LRMDA: variants seen among roughly 807,000 people sequenced by gnomAD.
LRMDA encodes leucine rich melanocyte differentiation associated, also known as leucine-rich melanocyte differentiation-associated protein.
Under a neutral mutation model 29.8 loss-of-function variants are expected in LRMDA, and 18 were observed. The observed-to-expected ratio is 0.60, with a 90% CI of 0.42 to 0.90. The LOEUF (loss-of-function observed/expected upper bound fraction) is 0.90, where lower values mean the gene tolerates loss of function less well. Ranked by LOEUF, LRMDA falls within the 40% of genes least tolerant of loss-of-function variation. The probability of loss-of-function intolerance (pLI) is 0.00; values close to 1 mark genes in which losing one functional copy is unlikely to be tolerated. For missense variants in LRMDA, 273 were observed against 273.9 expected (o/e 1.00, Z 0.02); for synonymous variants, 125 against 109.4 (o/e 1.14, Z -0.89).
chr10:76,050,053 T>A (rs1174545947), intron 4 of LRMDA, among the ~76,000 whole-genome samples: 1 of 152,256 alleles, frequency 6.6e-6, no homozygotes, highest in African/African-American at 2.4e-5. Flanking sequence ...AAAATTCTTA[T>A]TGATTGGCAT....
intron 2 of LRMDA, among the ~76,000 whole-genome samples, chr10:75,604,319 T>A (rs1439838654): frequency 6.6e-6 from 1 of 152,060 alleles, no homozygotes; most frequent in Non-Finnish European, 1.5e-5. Context: ...TTCCTTGGGG[T>A]GAAATATAGT....
At chr10:75,689,720 T>G (rs890220978) in intron 2 of LRMDA, among the ~76,000 whole-genome samples, 1 of 152,174 alleles carries the variant, frequency 6.6e-6, no homozygotes, top group African/African-American at 2.4e-5. Context: ...AATGAGTCCA[T>G]TCATTATCTG....
chr10:75,594,945 A>G (rs1366423255), intron 2 of LRMDA, among the ~76,000 whole-genome samples: 1 of 152,158 alleles, frequency 6.6e-6, no homozygotes, highest in East Asian at 1.9e-4. Context: ...TATATTGATG[A>G]AAGATGAAAA....
chr10:76,350,138 A>C (rs1254577563), intron 6 of LRMDA, among the ~76,000 whole-genome samples: 2 of 151,594 alleles, frequency 1.3e-5, no homozygotes, highest in African/African-American at 4.8e-5. Flanking sequence ...AAAATGAAAA[A>C]CTCAAAATGC....
In LRMDA at chr10:76,149,292, C is replaced by T. The variant is rs75641506; in HGVS notation, c.516+90509C>T. On this transcript the variant is annotated intron_variant, in intron 5 of 6. Transcript: ENST00000611255. Reference sequence around the variant, plus strand: ...GAGTGATTAGGATGTGCTGTGAGGACGGAAGAGAAGTCATTCTTACAGTGC... The same window carrying T: ...GAGTGATTAGGATGTGCTGTGAGGATGGAAGAGAAGTCATTCTTACAGTGC... Among the ~76,000 whole-genome samples, 15 of 152,244 alleles carry T rather than the reference C, an allele frequency of 9.9e-5. No individual in the cohort carries two copies. The East Asian group carries it at 1.7e-3, about 18-fold the overall frequency.
chr10:75,660,678 G>A (rs1200827778), intron 2 of LRMDA, among the ~76,000 whole-genome samples: 1 of 151,570 alleles, frequency 6.6e-6, no homozygotes, highest in African/African-American at 2.4e-5. Context: ...AACAGAGAAT[G>A]AATGAGCATT....
In LRMDA at chr10:76,346,106, G is replaced by A. The variant is rs142103005; in HGVS notation, c.601+21621G>A. 1.8e-3 allele frequency among the ~76,000 whole-genome samples: 272 copies of A among 152,266 alleles called. 1 individual carries two copies. Among genetic ancestry groups the A allele is most frequent in the African/African-American group, 6.4e-3 (265 of 41,548 alleles). On this transcript the variant is annotated intron_variant, in intron 6 of 6. Transcript: ENST00000611255. Reference sequence around the variant, plus strand: ...TAAAAGCACAAAAGTATACACACATGCAGACACACACAGAAATCTATAAAT... The same window carrying A: ...TAAAAGCACAAAAGTATACACACATACAGACACACACAGAAATCTATAAAT...
intron 2 of LRMDA, among the ~76,000 whole-genome samples, chr10:76,009,180 A>G (rs1362582086): frequency 6.6e-6 from 1 of 152,154 alleles, no homozygotes; most frequent in Admixed American, 6.5e-5. Context: ...CAACAATGTC[A>G]GAGCTAAAAA....
At chr10:75,459,006 T>TTC (rs1844553988) in intron 2 of LRMDA, among the ~76,000 whole-genome samples, 1 of 151,766 alleles carries the variant, frequency 6.6e-6, no homozygotes, top group Admixed American at 6.6e-5. Context: ...TTAGATTTTT[T>TTC]TTTTTTCTTT....
intron 6 of LRMDA, among the ~76,000 whole-genome samples, chr10:76,411,453 G>A (rs1841960657): frequency 6.6e-6 from 1 of 152,172 alleles, no homozygotes; most frequent in African/African-American, 2.4e-5. Flanking sequence ...TTACAGCCAT[G>A]TTTCATGGAC....
At chr10:76,526,663 T>C (rs1458404303) in intron 6 of LRMDA, among the ~76,000 whole-genome samples, 1 of 152,042 alleles carries the variant, frequency 6.6e-6, no homozygotes, top group Non-Finnish European at 1.5e-5. Flanking sequence ...CTTGAAACTT[T>C]GCTAGATGCC....
intron 2 of LRMDA, among the ~76,000 whole-genome samples, chr10:75,968,940 C>G (rs774155047): frequency 1.2e-4 from 19 of 152,090 alleles, no homozygotes; most frequent in Non-Finnish European, 1.9e-4. Flanking sequence ...CTGTTTTATA[C>G]TGATTGCTTT....
intron 5 of LRMDA, among the ~76,000 whole-genome samples, chr10:76,091,199 G>A (rs992756403): frequency 6.6e-6 from 1 of 152,000 alleles, no homozygotes; most frequent in Non-Finnish European, 1.5e-5. Flanking sequence ...ATAAATGTCA[G>A]CATCCCTCAC....
intron 2 of LRMDA, among the ~76,000 whole-genome samples, chr10:75,966,630 G>A (rs774982114): frequency 6.6e-6 from 1 of 152,198 alleles, no homozygotes; most frequent in Non-Finnish European, 1.5e-5. Flanking sequence ...TTAAATTACA[G>A]TTGTCCCTTG....
chr10:75,444,184 C>T (rs771122262), intron 2 of LRMDA, among the ~76,000 whole-genome samples: 2 of 152,098 alleles, frequency 1.3e-5, no homozygotes, highest in African/African-American at 2.4e-5. Flanking sequence ...TTCTTTCCTG[C>T]ATTAACTATG....
intron 6 of LRMDA, among the ~76,000 whole-genome samples, chr10:76,337,234 C>G (rs1425834246): frequency 6.6e-6 from 1 of 151,848 alleles, no homozygotes; most frequent in East Asian, 1.9e-4. Flanking sequence ...TAGAGCTGTG[C>G]ATAAAGTGGG....
At chr10:75,917,513 C>G (rs770353328) in intron 2 of LRMDA, among the ~76,000 whole-genome samples, 2 of 152,192 alleles carry the variant, frequency 1.3e-5, no homozygotes, top group Non-Finnish European at 2.9e-5. Context: ...AAGAGCCGTT[C>G]TCTGGTATAA....
chr10:76,060,854 A>G (rs1379590733), intron 5 of LRMDA, among the ~76,000 whole-genome samples: 1 of 152,212 alleles, frequency 6.6e-6, no homozygotes, highest in Admixed American at 6.5e-5. Flanking sequence ...TCAATTCTAG[A>G]ATTAGTTCAT....
intron 2 of LRMDA, among the ~76,000 whole-genome samples, chr10:75,740,586 A>G (rs1277782373): frequency 2.6e-5 from 4 of 152,138 alleles, no homozygotes; most frequent in Non-Finnish European, 5.9e-5. Flanking sequence ...CTTCCTAAGA[A>G]ATTGGCATGA....
Sources: allele counts gnomAD v4.1 joint callset (sites outside exome capture counted in the v4.1 genomes callset), GRCh38; gene constraint gnomAD v4.1.1; transcripts MANE v1.5; gene names NCBI Gene and HGNC (gene_info 2026-07-23, HGNC 2026-07-21).